Variants in PGAP4 observed in about 807,000 individuals in gnomAD.
PGAP4 encodes the protein GPI-N-acetylgalactosamine transferase PGAP4.
A neutral mutation model predicts 28.2 loss-of-function variants in PGAP4; 12 were observed. The observed-to-expected ratio is 0.42, with a 90% confidence interval of 0.27 to 0.69. PGAP4 has a LOEUF of 0.69. Ranked by LOEUF, PGAP4 falls within the 30% of genes least tolerant of loss-of-function variation. The pLI is 0.22. For synonymous variants in PGAP4, 205 were observed against 211.8 expected (o/e 0.97, Z 0.28); for missense variants, 425 against 513.5 (o/e 0.83, Z 1.67).
intron 1 of PGAP4, chr9:101,531,633 A>G (rs1192602142): frequency 6.6e-6 from 1 of 152,258 alleles, no homozygotes; most frequent in Non-Finnish European, 1.5e-5. Flanking sequence ...ATTGCTGACT[A>G]GGACTTTGGC....
At chr9:101,477,311 A>AG in intron 1 of PGAP4, 142 bp from the exon 2 acceptor site, 1 of 509,734 alleles carries the variant, frequency 2.0e-6, no homozygotes, top group Non-Finnish European at 3.2e-6. Context: ...GCTTCTACAG[A>AG]CTCTAAAGTA....
intron 2 of PGAP4, among the ~76,000 whole-genome samples, chr9:101,494,442 G>A (rs1826718474): frequency 6.6e-6 from 1 of 151,692 alleles, no homozygotes; most frequent in Admixed American, 6.6e-5. Context: ...TCTTAAATCT[G>A]GAGATAAAAA....
At chr9:101,529,337 T>A (rs1827065667) in intron 2 of PGAP4, among the ~76,000 whole-genome samples, 2 of 152,084 alleles carry the variant, frequency 1.3e-5, no homozygotes, top group African/African-American at 4.8e-5. Flanking sequence ...GTATTTTTAG[T>A]AGGGACAGGG....
intron 2 of PGAP4, among the ~76,000 whole-genome samples, chr9:101,526,513 G>A (rs555875525): frequency 6.6e-6 from 1 of 152,282 alleles, no homozygotes; most frequent in South Asian, 2.1e-4. Context: ...GCAGTGGCAT[G>A]ATCTTGGATC....
At chr9:101,488,079 T>A (rs1181085819), upstream of PGAP4, among the ~76,000 whole-genome samples, 1 of 152,202 alleles carries the variant, frequency 6.6e-6, no homozygotes, top group African/African-American at 2.4e-5. Flanking sequence ...ATACTAGATA[T>A]TAACTTCCTT....
intron 2 of PGAP4, among the ~76,000 whole-genome samples, chr9:101,516,857 A>G (rs1193812889): frequency 1.3e-5 from 2 of 152,202 alleles, no homozygotes; most frequent in African/African-American, 4.8e-5. Flanking sequence ...GGAGACAATG[A>G]GGCAACACAG....
At chr9:101,484,417 G>A (rs1328452190) in intron 1 of PGAP4, among the ~76,000 whole-genome samples, 4 of 152,150 alleles carry the variant, frequency 2.6e-5, no homozygotes, top group Non-Finnish European at 5.9e-5. Context: ...GTTTAAATAT[G>A]TTGACATAAA....
At chr9:101,498,281 G>A (rs1050450363) in intron 2 of PGAP4, among the ~76,000 whole-genome samples, 2 of 151,716 alleles carry the variant, frequency 1.3e-5, no homozygotes, top group African/African-American at 4.8e-5. Flanking sequence ...CAAGTCTTTT[G>A]TTTGCCAGTC....
At chr9:101,524,075 G>A (rs1827011857) in intron 2 of PGAP4, among the ~76,000 whole-genome samples, 1 of 151,860 alleles carries the variant, frequency 6.6e-6, no homozygotes, top group African/African-American at 2.4e-5. Flanking sequence ...GCACAAGAGT[G>A]CTGTGATGTG....
intron 2 of PGAP4, among the ~76,000 whole-genome samples, chr9:101,525,752 C>T (rs1230215259): frequency 4.1e-5 from 6 of 147,692 alleles, no homozygotes; most frequent in Admixed American, 1.4e-4. Flanking sequence ...AAATGTTATG[C>T]ATATATTCCT....
chr9:101,521,030 C>G (rs1480421687), intron 2 of PGAP4, among the ~76,000 whole-genome samples: 1 of 152,014 alleles, frequency 6.6e-6, no homozygotes, highest in Admixed American at 6.6e-5. Context: ...TTATTGACTT[C>G]TGCATGTTAA....
At position 101,476,161 on chromosome 9, in the gene PGAP4, T is replaced by C. The variant is rs760121031; in HGVS notation, c.932A>G (p.His311Arg). 6.2e-7 allele frequency: 1 copy of C among 1,614,064 alleles called. No homozygotes were observed. Among genetic ancestry groups the C allele is most frequent in the Non-Finnish European group, 8.5e-7 (1 of 1,180,010 alleles). The change falls in exon 2 of 2, where the codon CAC (histidine) becomes CGC (arginine). Residue 311 changes from histidine (H) to arginine (R), a missense_variant. Physicochemically the swap from His to Arg is conservative, Grantham distance 29. Transcript: ENST00000374848. The surrounding 1 kb of genome is among the most constrained non-coding windows in gnomAD (Gnocchi z 7.0). ...CAGCCGCCGCAGTTCCAGGAAATAG[T>C]GCCGACCCACCAGCTCCACCAGACC... Reference protein sequence around the residue: ...SMGLVELVGRHYFLELRRLSP... With the variant: ...SMGLVELVGRRYFLELRRLSP...
At chr9:101,511,966 C>T (rs1420948628) in intron 2 of PGAP4, among the ~76,000 whole-genome samples, 2 of 152,020 alleles carry the variant, frequency 1.3e-5, no homozygotes, top group African/African-American at 4.8e-5. Flanking sequence ...CTCTCTCCAG[C>T]CAGAATGACA....
At chr9:101,505,758 C>T (rs1368278316) in intron 2 of PGAP4, among the ~76,000 whole-genome samples, 1 of 152,040 alleles carries the variant, frequency 6.6e-6, no homozygotes, top group East Asian at 1.9e-4. Context: ...CTGCCTTCTA[C>T]ACAGTGGATA....
chr9:101,485,361 C>T (rs919940522), intron 1 of PGAP4, among the ~76,000 whole-genome samples: 11 of 152,120 alleles, frequency 7.2e-5, no homozygotes, highest in Middle Eastern at 3.4e-3. Context: ...CAAATTTATA[C>T]GCCCATATAA....
chr9:101,533,466 G>A (rs1357526154), upstream of PGAP4: 2 of 152,274 alleles, frequency 1.3e-5, no homozygotes, highest in East Asian at 1.9e-4. Flanking sequence ...TTTCTGAGGT[G>A]TCTGAGGCTA....
In PGAP4 at chr9:101,477,021, A is replaced by G. The variant is rs771102577; in HGVS notation, c.72T>C (p.Ala24=). The G allele has an allele frequency of 1.2e-6, 2 of 1,613,320 alleles. No individual in the cohort carries two copies. Among genetic ancestry groups the G allele is most frequent in the Non-Finnish European group, 1.7e-6 (2 of 1,179,900 alleles). The stretch of plus-strand genomic sequence containing the variant: ...CCACTGTTAGGATGAAGAGCTGGAC[A>G]GCAGTGCTGCCCCAGGAGAGTCGCC... ...RLRRLSWGST[A]VQLFILTVVT... The change falls in exon 2 of 2, where the codon GCT becomes GCC. Residue 24 remains alanine (A), a synonymous_variant. Transcript: ENST00000374848.
intron 1 of PGAP4, among the ~76,000 whole-genome samples, chr9:101,484,001 T>C (rs1275407042): frequency 1.1e-4 from 16 of 152,188 alleles, no homozygotes; most frequent in Admixed American, 1.0e-3. Flanking sequence ...GGCACTTTAA[T>C]ATAAATTGGT....
chr9:101,505,932 A>T (rs1489430905), intron 2 of PGAP4, among the ~76,000 whole-genome samples: 1 of 152,186 alleles, frequency 6.6e-6, no homozygotes, highest in Middle Eastern at 3.2e-3. Context: ...TAAAAAACAA[A>T]GAGCTTCCAA....
Sources: allele counts gnomAD v4.1 joint callset (sites outside exome capture counted in the v4.1 genomes callset), GRCh38; gene constraint gnomAD v4.1.1; non-coding constraint Gnocchi (gnomAD v3.1); transcripts MANE v1.5; gene names NCBI Gene and HGNC (gene_info 2026-07-23, HGNC 2026-07-21).